IFT56: variants seen among roughly 807,000 people sequenced by gnomAD.
IFT56 encodes intraflagellar transport protein 56.
the IFT56 span, among the ~76,000 whole-genome samples, chr7:139,139,194 G>A: frequency 1.3e-5 from 2 of 152,180 alleles, no homozygotes; most frequent in Non-Finnish European, 2.9e-5. Context: ...AATATTCAAG[G>A]ACAGTTAATG....
chr7:139,165,360 T>C, the IFT56 span: 3 of 649,434 alleles, frequency 4.6e-6, no homozygotes, highest in Non-Finnish European at 7.8e-6. Context: ...AACAAGTTCA[T>C]AGAACAAGTT....
the IFT56 span, chr7:139,166,949 T>C: frequency 8.1e-7 from 1 of 1,230,492 alleles, no homozygotes; most frequent in East Asian, 2.3e-5. Flanking sequence ...AAAGTGGAAC[T>C]TCAGAAATTT....
At chr7:139,190,917 T>G in the IFT56 span, 2 of 152,282 alleles carry the variant, frequency 1.3e-5, no homozygotes, top group Admixed American at 6.5e-5. Flanking sequence ...AAAGAATTCC[T>G]CAAGCACTGA....
chr7:139,188,797 C>G, the IFT56 span, among the ~76,000 whole-genome samples: 7 of 152,208 alleles, frequency 4.6e-5, no homozygotes, highest in African/African-American at 1.7e-4. Context: ...CCATCTCTTC[C>G]ATTTTATTCA....
the IFT56 span, among the ~76,000 whole-genome samples, chr7:139,135,947 G>A: frequency 6.7e-6 from 1 of 150,350 alleles, no homozygotes; most frequent in Non-Finnish European, 1.5e-5. Context: ...TTTTGAGTTG[G>A]AGTTTCACTC....
chr7:139,147,247 C>G, the IFT56 span: 2 of 1,613,478 alleles, frequency 1.2e-6, no homozygotes, highest in Non-Finnish European at 1.7e-6. Context: ...ATCTCACTAC[C>G]AAGAAGCTAT....
At chr7:139,163,329 G>A in the IFT56 span, among the ~76,000 whole-genome samples, 2,399 of 149,008 alleles carry the variant, frequency 0.016, 64 homozygotes, top group African/African-American at 0.056. Flanking sequence ...GTGACAGAGC[G>A]AGACTCCATC....
chr7:139,152,440 T>C, the IFT56 span, among the ~76,000 whole-genome samples: 1 of 152,270 alleles, frequency 6.6e-6, no homozygotes, highest in Admixed American at 6.5e-5. Flanking sequence ...TCTGATATTA[T>C]CTTCTAATAG....
chr7:139,157,546 C>G, the IFT56 span, among the ~76,000 whole-genome samples: 1 of 144,678 alleles, frequency 6.9e-6, no homozygotes, highest in Non-Finnish European at 1.5e-5. Flanking sequence ...TTCACCCAGC[C>G]TAGATGGAGT....
At chr7:139,147,083 T>C in the IFT56 span, 2 of 1,601,700 alleles carry the variant, frequency 1.2e-6, no homozygotes, top group Non-Finnish European at 8.5e-7. Context: ...CACATAGATA[T>C]TGATTTCTCT....
the IFT56 span, among the ~76,000 whole-genome samples, chr7:139,167,802 G>T: frequency 6.6e-6 from 1 of 151,928 alleles, no homozygotes; most frequent in Non-Finnish European, 1.5e-5. Context: ...TTAGCCGGGT[G>T]TGGTGGCTGG....
the IFT56 span, among the ~76,000 whole-genome samples, chr7:139,145,490 T>C: frequency 1.3e-5 from 2 of 152,134 alleles, no homozygotes; most frequent in South Asian, 4.2e-4. Flanking sequence ...AATGGCGCCA[T>C]CTCAGCTCAC....
At chr7:139,186,724 A>G in the IFT56 span, among the ~76,000 whole-genome samples, 2 of 152,174 alleles carry the variant, frequency 1.3e-5, no homozygotes, top group African/African-American at 2.4e-5. Context: ...TACTGAAGAG[A>G]CTTGAAAAAT....
the IFT56 span, among the ~76,000 whole-genome samples, chr7:139,175,199 A>T: frequency 6.6e-6 from 1 of 152,114 alleles, no homozygotes; most frequent in Non-Finnish European, 1.5e-5. Context: ...GCTGGAGAGG[A>T]TGTAGAGAAA....
the IFT56 span, among the ~76,000 whole-genome samples, chr7:139,179,384 C>A: frequency 6.6e-6 from 1 of 152,200 alleles, no homozygotes; most frequent in African/African-American, 2.4e-5. Context: ...TTTTTGTCAA[C>A]TTGTAATATC....
the IFT56 span, chr7:139,139,827 G>A: frequency 2.9e-6 from 3 of 1,043,702 alleles, no homozygotes; most frequent in East Asian, 7.3e-5. Context: ...ATTCCATTGT[G>A]GAAGAATGGC....
the IFT56 span, chr7:139,147,234 G>C: frequency 6.2e-7 from 1 of 1,613,542 alleles, no homozygotes; most frequent in Non-Finnish European, 8.5e-7. Flanking sequence ...TCCACTATAT[G>C]CGATCTCACT....
the IFT56 span, among the ~76,000 whole-genome samples, chr7:139,172,107 T>C: frequency 2.3e-4 from 34 of 145,844 alleles, no homozygotes; most frequent in South Asian, 7.3e-3. Context: ...CTCAGCTTCA[T>C]CAAAAGAATG....
the IFT56 span, among the ~76,000 whole-genome samples, chr7:139,164,814 G>C: frequency 1.3e-5 from 2 of 152,052 alleles, no homozygotes. Context: ...TAAAAAAGAA[G>C]GGCAAGGGTA....
Sources: allele counts gnomAD v4.1 joint callset (sites outside exome capture counted in the v4.1 genomes callset), GRCh38; gene constraint gnomAD v4.1.1; transcripts MANE v1.5; gene names NCBI Gene and HGNC (gene_info 2026-07-23, HGNC 2026-07-21).